The following COBL variants were observed in gnomAD, a reference collection of about 807,000 sequenced individuals.
COBL encodes cordon-bleu WH2 repeat protein.
In COBL, 51 loss-of-function variants were observed where a neutral mutation model predicts 98.8. That is an observed-to-expected ratio of 0.52 (90% CI 0.41 to 0.65). The LOEUF is 0.65. Ranked by LOEUF, COBL falls within the 30% of genes least tolerant of loss-of-function variation. The pLI is 0.00. For synonymous variants in COBL, 634 were observed against 651.7 expected, an observed-to-expected ratio of 0.97 and a Z score of 0.41; for missense variants, 1,617 against 1,617.5, an observed-to-expected ratio of 1.00 and a Z score of 0.01.
intron 6 of COBL, among the ~76,000 whole-genome samples, chr7:51,088,104 G>A (rs948506893): frequency 3.9e-5 from 6 of 152,052 alleles, no homozygotes; most frequent in African/African-American, 1.2e-4. Context: ...CCTTCCTGCT[G>A]GGAAGTTTCA....
In COBL at chr7:51,029,282, T is replaced by C. The variant is rs2128872668; in HGVS notation, c.1814A>G (p.His605Arg). The change falls in exon 10 of 13, where the codon CAT (histidine) becomes CGT (arginine). Residue 605 changes from histidine to arginine, a missense_variant. By Grantham distance (29) the His-to-Arg change is conservative (BLOSUM62 0). Transcript: ENST00000265136. ...EEVPALHPAS[H>R]DVGKGIRVAL... is the part of the protein sequence containing the mutation. ...CACACGGATTCCTTTTCCGACGTCA[T>C]GGGAAGCGGGGTGCAGGGCAGGTAC... 1.2e-6 allele frequency: 2 copies of C among 1,606,700 alleles called. No individual in the cohort carries two copies. The highest frequency in any genetic ancestry group is 1.7e-6 in the Non-Finnish European group (2 of 1,175,708).
intron 1 of COBL, among the ~76,000 whole-genome samples, chr7:51,283,280 G>C (rs544491078): frequency 2.6e-5 from 4 of 151,686 alleles, no homozygotes; most frequent in Non-Finnish European, 5.9e-5. Context: ...ACTAACATGA[G>C]GAATAAAAAA....
At chr7:51,191,125 C>G (rs373997735) in intron 3 of COBL, 47 bp from the exon 4 acceptor site, 1 of 1,535,510 alleles carries the variant, frequency 6.5e-7, no homozygotes, top group Non-Finnish European at 8.9e-7. Flanking sequence ...TATCCTCCCA[C>G]AAGCCTTCAA....
chr7:51,067,293 G>A (rs533481912), intron 7 of COBL, among the ~76,000 whole-genome samples: 1 of 152,382 alleles, frequency 6.6e-6, no homozygotes, highest in Admixed American at 6.5e-5. Context: ...GTATATAGAT[G>A]TGCATGTATG....
chr7:51,039,496 C>A (rs1174188937), intron 8 of COBL, among the ~76,000 whole-genome samples: 1 of 152,160 alleles, frequency 6.6e-6, no homozygotes, highest in Non-Finnish European at 1.5e-5. Context: ...CCCTGTGCTG[C>A]CTAGGCTTTC....
In COBL at chr7:51,028,431, G is replaced by A; in HGVS notation, c.2665C>T (p.His889Tyr). The change falls in exon 10 of 13, where the codon CAC (histidine) becomes TAC (tyrosine). Residue 889 changes from histidine to tyrosine, a missense_variant. By Grantham distance (83) the His-to-Tyr change is moderately conservative. Coordinates refer to ENST00000265136, the MANE Select transcript of COBL (RefSeq NM_015198.5). ...GCATAACCCTTCTCGGCATAACCGT[G>A]TGGCCTCACCACATCAGCATGGACT... ...PKVHADVVRP[H>Y]GYAEKGYAGK... 4 of 1,614,256 alleles carry A rather than the reference G, an allele frequency of 2.5e-6. No homozygotes were observed. Among genetic ancestry groups the A allele is most frequent in the Non-Finnish European group, 3.4e-6 (4 of 1,180,048 alleles).
intron 6 of COBL, among the ~76,000 whole-genome samples, chr7:51,126,412 C>T (rs1200680133): frequency 6.6e-6 from 1 of 152,216 alleles, no homozygotes; most frequent in Non-Finnish European, 1.5e-5. Context: ...CACCCTCATC[C>T]TGATCTTCAT....
chr7:51,273,707 A>T (rs1563114141), intron 1 of COBL, among the ~76,000 whole-genome samples: 2 of 152,214 alleles, frequency 1.3e-5, no homozygotes, highest in African/African-American at 4.8e-5. Flanking sequence ...AAGATTCTAA[A>T]AATGAATGAC....
chr7:51,127,562 G>C (rs968710636), intron 6 of COBL, among the ~76,000 whole-genome samples: 8 of 152,228 alleles, frequency 5.3e-5, no homozygotes, highest in African/African-American at 1.9e-4. Flanking sequence ...TGTGGGAACA[G>C]AGTGTACGGT....
intron 1 of COBL, among the ~76,000 whole-genome samples, chr7:51,230,098 C>T (rs1794607845): frequency 6.6e-6 from 1 of 152,152 alleles, no homozygotes; most frequent in Non-Finnish European, 1.5e-5. Flanking sequence ...AGAGGCATGG[C>T]CAGGCCAGCA....
intron 2 of COBL, among the ~76,000 whole-genome samples, chr7:51,208,220 GC>G: frequency 6.7e-6 from 1 of 150,168 alleles, no homozygotes; most frequent in South Asian, 2.1e-4. Flanking sequence ...GAAGTGAGGA[GC>G]CCCTCCGCCC....
intron 5 of COBL, among the ~76,000 whole-genome samples, chr7:51,138,281 C>G (rs961483845): frequency 6.6e-6 from 1 of 152,216 alleles, no homozygotes; most frequent in Non-Finnish European, 1.5e-5. Context: ...TCCTTGAGTT[C>G]TGCAGCCATC....
chr7:51,215,587 C>T (rs1394656141), intron 2 of COBL, among the ~76,000 whole-genome samples: 2 of 152,184 alleles, frequency 1.3e-5, no homozygotes. Context: ...GGGTAGTCTT[C>T]GAATAGAAGC....
At chr7:51,316,111 G>T (rs770454153) in intron 1 of COBL, among the ~76,000 whole-genome samples, 1 of 152,178 alleles carries the variant, frequency 6.6e-6, no homozygotes, top group African/African-American at 2.4e-5. Flanking sequence ...CCACGCTGCC[G>T]GGAGAGCCGA....
At chr7:51,240,613 C>T (rs1415503894) in intron 1 of COBL, among the ~76,000 whole-genome samples, 6 of 152,084 alleles carry the variant, frequency 3.9e-5, no homozygotes, top group Non-Finnish European at 7.3e-5. Flanking sequence ...CTGGCGCGAT[C>T]GCGGCTCACT....
At chr7:51,090,963 A>C (rs1794762490) in intron 6 of COBL, among the ~76,000 whole-genome samples, 1 of 152,214 alleles carries the variant, frequency 6.6e-6, no homozygotes, top group Non-Finnish European at 1.5e-5. Context: ...TCTAATTGGA[A>C]AATACACCAA....
At chr7:51,280,740 T>G (rs1297263924) in intron 1 of COBL, among the ~76,000 whole-genome samples, 1 of 152,110 alleles carries the variant, frequency 6.6e-6, no homozygotes, top group East Asian at 1.9e-4. Context: ...TGGTCCTGGG[T>G]GGCTTTAAGA....
intron 7 of COBL, among the ~76,000 whole-genome samples, chr7:51,056,598 G>A (rs1431251671): frequency 2.0e-5 from 3 of 152,284 alleles, no homozygotes; most frequent in East Asian, 3.9e-4. Context: ...AAATAGCAAA[G>A]ACTGTGAAGA....
chr7:51,120,869 A>C (rs1208046882), intron 6 of COBL, among the ~76,000 whole-genome samples: 1 of 152,258 alleles, frequency 6.6e-6, no homozygotes, highest in Non-Finnish European at 1.5e-5. Flanking sequence ...TTACAGAATA[A>C]TATTTCATTG....
Sources: allele counts gnomAD v4.1 joint callset (sites outside exome capture counted in the v4.1 genomes callset), GRCh38; gene constraint gnomAD v4.1.1; transcripts MANE v1.5; gene names NCBI Gene and HGNC (gene_info 2026-07-23, HGNC 2026-07-21).